HS3ST4: variants seen among roughly 807,000 people sequenced by gnomAD.
HS3ST4 encodes heparan sulfate glucosamine 3-O-sulfotransferase 4.
In HS3ST4, 17 loss-of-function variants were observed where a neutral mutation model predicts 29.2. The ratio of observed to expected loss-of-function variants is 0.58; its 90% CI spans 0.40 to 0.87. The LOEUF (loss-of-function observed/expected upper bound fraction) is 0.87, where lower values mean the gene tolerates loss of function less well. HS3ST4 is among the 40% of genes least tolerant of loss of function. The pLI is 0.00. For synonymous variants in HS3ST4, 314 were observed against 285.7 expected (o/e 1.10, Z -1.00); for missense variants, 627 against 634.5 (o/e 0.99, Z 0.13).
intron 1 of HS3ST4, among the ~76,000 whole-genome samples, chr16:25,834,457 G>A (rs1051114009): frequency 6.6e-6 from 1 of 151,726 alleles, no homozygotes; most frequent in Non-Finnish European, 1.5e-5. Context: ...CCAATGAATT[G>A]TGATATATTC....
chr16:25,857,610 T>C (rs1567256863), intron 1 of HS3ST4, among the ~76,000 whole-genome samples: 2 of 152,208 alleles, frequency 1.3e-5, no homozygotes, highest in African/African-American at 4.8e-5. Context: ...AGACGCTTTC[T>C]AGCTTTTTAG....
chr16:25,921,896 A>G (rs892062577), intron 1 of HS3ST4, among the ~76,000 whole-genome samples: 1 of 152,026 alleles, frequency 6.6e-6, no homozygotes, highest in African/African-American at 2.4e-5. Flanking sequence ...CTGGGACTAC[A>G]GGCATGTGCT....
intron 1 of HS3ST4, among the ~76,000 whole-genome samples, chr16:26,114,403 G>A (rs527593718): frequency 6.6e-6 from 1 of 152,126 alleles, no homozygotes; most frequent in South Asian, 2.1e-4. Context: ...TCCCAGTGCT[G>A]CCAGGGACAC....
intron 1 of HS3ST4, among the ~76,000 whole-genome samples, chr16:26,126,337 G>A (rs148987118): frequency 1.9e-4 from 29 of 152,274 alleles, no homozygotes; most frequent in African/African-American, 6.0e-4. Flanking sequence ...GATGCAGCCT[G>A]CAGGTTGTCT....
At chr16:25,979,648 T>C (rs1459329281) in intron 1 of HS3ST4, among the ~76,000 whole-genome samples, 2 of 152,200 alleles carry the variant, frequency 1.3e-5, no homozygotes, top group East Asian at 3.9e-4. Context: ...TGTATAATTA[T>C]TTCATTATAT....
At chr16:25,891,677 A>T (rs904990950) in intron 1 of HS3ST4, among the ~76,000 whole-genome samples, 1 of 152,188 alleles carries the variant, frequency 6.6e-6, no homozygotes, top group Non-Finnish European at 1.5e-5. Context: ...CAGCCCTCAA[A>T]TGAAAGGGAT....
intron 1 of HS3ST4, among the ~76,000 whole-genome samples, chr16:26,019,760 A>G (rs906976541): frequency 2.6e-5 from 4 of 152,158 alleles, no homozygotes; most frequent in Non-Finnish European, 5.9e-5. Flanking sequence ...CAGTTTGTAT[A>G]TTTAATCAGT....
intron 1 of HS3ST4, among the ~76,000 whole-genome samples, chr16:25,959,259 T>G (rs1357393799): frequency 2.6e-5 from 4 of 152,184 alleles, no homozygotes; most frequent in African/African-American, 9.7e-5. Context: ...TGCCGAAAGT[T>G]GGGTCTGAAA....
At chr16:25,916,781 G>A (rs1050138827) in intron 1 of HS3ST4, among the ~76,000 whole-genome samples, 5 of 145,442 alleles carry the variant, frequency 3.4e-5, no homozygotes, top group African/African-American at 1.0e-4. Context: ...CCAGGTTCAC[G>A]CCATTCTCCT....
intron 1 of HS3ST4, among the ~76,000 whole-genome samples, chr16:26,034,799 T>C (rs1423295665): frequency 6.6e-6 from 1 of 151,804 alleles, no homozygotes; most frequent in Non-Finnish European, 1.5e-5. Context: ...CAAGACTCCA[T>C]AACTACAAAC....
chr16:25,710,602 C>T (rs1037566840), intron 1 of HS3ST4, among the ~76,000 whole-genome samples: 1 of 151,956 alleles, frequency 6.6e-6, no homozygotes, highest in African/African-American at 2.4e-5. Context: ...TATTGCTCAT[C>T]CAGTCGCTAT....
At chr16:26,092,075 A>G (rs1336386833) in intron 1 of HS3ST4, among the ~76,000 whole-genome samples, 3 of 152,098 alleles carry the variant, frequency 2.0e-5, no homozygotes, top group Non-Finnish European at 4.4e-5. Flanking sequence ...TCCTGGCCCC[A>G]CGGTGGGAGG....
At chr16:25,746,811 A>G (rs1459683922) in intron 1 of HS3ST4, among the ~76,000 whole-genome samples, 1 of 152,078 alleles carries the variant, frequency 6.6e-6, no homozygotes, top group Non-Finnish European at 1.5e-5. Context: ...TTGGCCTCCC[A>G]AAGTGCTGGA....
intron 1 of HS3ST4, among the ~76,000 whole-genome samples, chr16:26,103,433 A>G (rs529773696): frequency 3.9e-5 from 6 of 152,146 alleles, no homozygotes; most frequent in Admixed American, 6.6e-5. Flanking sequence ...TGGAGCTCAC[A>G]AAGTAGCCAA....
At chr16:25,861,947 T>C (rs1025115667) in intron 1 of HS3ST4, among the ~76,000 whole-genome samples, 1 of 152,138 alleles carries the variant, frequency 6.6e-6, no homozygotes, top group Non-Finnish European at 1.5e-5. Context: ...TTCCATGTCA[T>C]GTAGCAGCAG....
intron 1 of HS3ST4, among the ~76,000 whole-genome samples, chr16:26,075,784 C>G (rs1898655149): frequency 2.0e-5 from 3 of 152,186 alleles, no homozygotes; most frequent in Non-Finnish European, 4.4e-5. Flanking sequence ...TTCATCCATG[C>G]CAGCCTGGTT....
At chr16:25,774,656 G>A (rs1966845938) in intron 1 of HS3ST4, among the ~76,000 whole-genome samples, 1 of 152,214 alleles carries the variant, frequency 6.6e-6, no homozygotes, top group African/African-American at 2.4e-5. Context: ...CCCAACGTGT[G>A]GATGAAATAA....
intron 1 of HS3ST4, among the ~76,000 whole-genome samples, chr16:26,123,304 G>C (rs984533013): frequency 1.3e-5 from 2 of 152,176 alleles, no homozygotes; most frequent in Non-Finnish European, 2.9e-5. Context: ...AAGCAAGTAT[G>C]GTTCAGAGAT....
rs373173835 is a variant in HS3ST4, at chr16:26,067,355, G to A, written c.735-68257G>A. 8.2e-4 allele frequency among the ~76,000 whole-genome samples: 124 copies of A among 152,132 alleles called. 3 individuals carry two copies. In the South Asian group the frequency reaches 0.02, roughly 25 times the overall value. Reference sequence around the variant, plus strand: ...ATAATCTGAGCGCTAAAATAATAGCGTCATCCATTGCTCCCCTTCTCTGCT... The same window carrying A: ...ATAATCTGAGCGCTAAAATAATAGCATCATCCATTGCTCCCCTTCTCTGCT... On this transcript the variant is annotated intron_variant, in intron 1 of 1. Transcript: ENST00000331351.
Sources: allele counts gnomAD v4.1 joint callset (sites outside exome capture counted in the v4.1 genomes callset), GRCh38; gene constraint gnomAD v4.1.1; transcripts MANE v1.5; gene names NCBI Gene and HGNC (gene_info 2026-07-23, HGNC 2026-07-21).